The following DPP6 variants were observed in gnomAD, a reference collection of about 807,000 sequenced individuals.
DPP6 encodes dipeptidyl peptidase like 6, also known as A-type potassium channel modulatory protein DPP6.
Under a neutral mutation model 122.6 loss-of-function variants are expected in DPP6, and 69 were observed. The observed-to-expected ratio is 0.56, with a 90% CI of 0.46 to 0.69. DPP6 has a LOEUF of 0.69. Ranked by LOEUF, DPP6 falls within the 30% of genes least tolerant of loss-of-function variation. The pLI is 0.00. For missense variants in DPP6, 928 were observed against 1,116.9 expected (o/e 0.83, Z 2.41); for synonymous variants, 418 against 433.1 (o/e 0.97, Z 0.43).
intron 1 of DPP6, among the ~76,000 whole-genome samples, chr7:154,388,286 CA>C (rs1378216083): frequency 2.0e-5 from 3 of 152,008 alleles, no homozygotes; most frequent in Admixed American, 2.0e-4. Flanking sequence ...GAGACCCTGT[CA>C]AAAAATATAT....
At position 154,893,212 on chromosome 7, in the gene DPP6, A is replaced by C. The variant is rs1024927679; in HGVS notation, c.*732A>C. 4.3e-5 allele frequency: 12 copies of C among 281,848 alleles called. No individual in the cohort carries two copies. Among genetic ancestry groups the C allele is most frequent in the Admixed American group, 2.0e-4 (4 of 20,212 alleles). 17.5% of individuals were successfully genotyped at this position (281,848 alleles called of 1,614,324 possible). A position where few individuals can be genotyped will look rare whatever the true frequency, so the allele number is the denominator to read the frequency against. ...TAGACTTTGCGCTTGATGAAGAAGC[A>C]GATCGGAAGTAACTGCTCCCTCCTC... On this transcript the variant is annotated 3_prime_UTR_variant, in exon 26 of 26. Coordinates refer to ENST00000377770, the MANE Select transcript of DPP6 (RefSeq NM_130797.4).
intron 4 of DPP6, among the ~76,000 whole-genome samples, chr7:154,546,607 A>G (rs1370171813): frequency 6.6e-6 from 1 of 152,126 alleles, no homozygotes; most frequent in African/African-American, 2.4e-5. Flanking sequence ...CTAAATTAAC[A>G]TCTAAATGAA....
At chr7:153,766,756 A>C in the DPP6 span, among the ~76,000 whole-genome samples, 1 of 152,230 alleles carries the variant, frequency 6.6e-6, no homozygotes, top group Admixed American at 6.5e-5. Context: ...AAATAGTAAC[A>C]GTAAAAAAGA....
chr7:153,891,114 CG>C (rs1275361791), intron 1 of DPP6, among the ~76,000 whole-genome samples: 25 of 147,806 alleles, frequency 1.7e-4, no homozygotes, highest in Admixed American at 2.7e-4. Flanking sequence ...CTCCGCCTCC[CG>C]GGTTCATGCC....
At chr7:153,874,478 C>T in the DPP6 span, among the ~76,000 whole-genome samples, 13 of 152,212 alleles carry the variant, frequency 8.5e-5, no homozygotes, top group African/African-American at 1.7e-4. Flanking sequence ...CGGGTTCAAG[C>T]GATTCTCCTG....
At chr7:154,371,736 T>TA (rs1349461051) in intron 1 of DPP6, among the ~76,000 whole-genome samples, 1 of 152,072 alleles carries the variant, frequency 6.6e-6, no homozygotes, top group Admixed American at 6.5e-5. Context: ...TGGCCAGGTG[T>TA]ACACCCGGGC....
chr7:154,768,043 C>T (rs552929049), intron 8 of DPP6, among the ~76,000 whole-genome samples: 25 of 152,354 alleles, frequency 1.6e-4, no homozygotes, highest in Non-Finnish European at 3.1e-4. Context: ...CACATCACAC[C>T]CTCAGCCCCA....
the DPP6 span, among the ~76,000 whole-genome samples, chr7:153,879,917 C>T: frequency 1.3e-5 from 2 of 152,076 alleles, no homozygotes; most frequent in South Asian, 2.1e-4. Context: ...GCCCAAAAGT[C>T]CCCGCTATGT....
chr7:154,402,654 C>T (rs1276801667), intron 1 of DPP6, among the ~76,000 whole-genome samples: 12 of 147,584 alleles, frequency 8.1e-5, no homozygotes, highest in African/African-American at 2.0e-4. Flanking sequence ...TGCTAGATGA[C>T]GAGTTAGTGG....
intron 9 of DPP6, among the ~76,000 whole-genome samples, chr7:154,770,358 G>A (rs1357930159): frequency 1.3e-5 from 2 of 152,146 alleles, no homozygotes; most frequent in Non-Finnish European, 2.9e-5. Context: ...CAGGAGAACA[G>A]CATGGGAAAG....
chr7:153,773,317 T>C, the DPP6 span, among the ~76,000 whole-genome samples: 3 of 36,382 alleles, frequency 8.2e-5, no homozygotes, highest in Non-Finnish European at 2.8e-4. Context: ...GTATTTTATA[T>C]ATATATATAT....
chr7:154,257,250 G>A (rs1037740233), intron 1 of DPP6, among the ~76,000 whole-genome samples: 25 of 151,850 alleles, frequency 1.6e-4, no homozygotes, highest in African/African-American at 6.0e-4. Flanking sequence ...GGGTTCTTTA[G>A]CAGAATTCCA....
chr7:154,493,400 G>T (rs1824458229), intron 3 of DPP6, among the ~76,000 whole-genome samples: 1 of 152,190 alleles, frequency 6.6e-6, no homozygotes, highest in African/African-American at 2.4e-5. Flanking sequence ...GAGACCCTGG[G>T]TAGGTGCACT....
chr7:154,122,896 C>T (rs1291911009), intron 1 of DPP6, among the ~76,000 whole-genome samples: 4 of 152,276 alleles, frequency 2.6e-5, no homozygotes, highest in Non-Finnish European at 4.4e-5. Context: ...GACTCTCCTC[C>T]CTCTGCCCAT....
chr7:154,090,903 A>G (rs552477170), intron 1 of DPP6, among the ~76,000 whole-genome samples: 3,405 of 149,002 alleles, frequency 0.023, 44 homozygotes, highest in Non-Finnish European at 0.032. Flanking sequence ...GGCGGATCAC[A>G]AAGTCAGGAG....
In DPP6 at chr7:154,879,391, T is replaced by C. The variant is rs1805159062; in HGVS notation, c.2079-1497T>C. Among the ~76,000 whole-genome samples the C allele has an allele frequency of 7.9e-5, 10 of 126,016 alleles. 1 individual carries two copies. Among genetic ancestry groups the C allele is most frequent in the Middle Eastern group, 4.2e-3 (1 of 236 alleles). 82.7% of individuals were successfully genotyped at this position (126,016 alleles called of 152,430 possible). ...GTCAGGAGATCGAGACCATCCTGGC[T>C]AACACGGTGAAACCCCGTCTCTACT... is the stretch of plus-strand genomic sequence containing the variant. On this transcript the variant is annotated intron_variant, in intron 20 of 25. Coordinates refer to ENST00000377770, the MANE Select transcript of DPP6 (RefSeq NM_130797.4).
In DPP6 at chr7:154,863,943, G is replaced by A. The variant is rs531158390; in HGVS notation, c.1715-4052G>A. ...TGGCCTAGCCCTGGGGTAAGCGGAC[G>A]GCAGCTGCAAGAGCACAGGGAGGGG... On this transcript the variant is annotated intron_variant, in intron 17 of 25. Coordinates refer to ENST00000377770, the MANE Select transcript of DPP6 (RefSeq NM_130797.4). The surrounding 1 kb of genome is among the most constrained non-coding windows in gnomAD (Gnocchi z 4.1). Among the ~76,000 whole-genome samples, 2 of 152,222 alleles carry A rather than the reference G, an allele frequency of 1.3e-5. No individual in the cohort carries two copies. The highest frequency in any genetic ancestry group is 2.9e-5 in the Non-Finnish European group (2 of 68,020).
At chr7:153,771,540 A>G in the DPP6 span, among the ~76,000 whole-genome samples, 1 of 152,080 alleles carries the variant, frequency 6.6e-6, no homozygotes, top group African/African-American at 2.4e-5. Context: ...AGGTTTCACC[A>G]TGTTGGCCAG....
In DPP6 at chr7:154,264,961, CCTG is replaced by C. The variant is rs145244282; in HGVS notation, c.244-181252_244-181250del. Among the ~76,000 whole-genome samples, 5 of 7,252 alleles carry C rather than the reference CCTG, an allele frequency of 6.9e-4. 1 individual carries two copies. The highest frequency in any genetic ancestry group is 2.8e-3 in the African/African-American group (4 of 1,446). The allele number at this position is 7,252 out of a possible 152,430, so 4.8% of individuals were successfully genotyped here. A position where few individuals can be genotyped will look rare whatever the true frequency, so the allele number is the denominator to read the frequency against. ...TGATGATAGTGATAATGATGGTGAT[CCTG>C]ATGATGGTGTTGATGATGATGGTGA... On this transcript the variant is annotated intron_variant, in intron 1 of 25. Transcript: ENST00000377770.
Sources: gnomAD v4.1 joint callset for allele counts (sites outside exome capture counted in the v4.1 genomes callset) on GRCh38, gnomAD v4.1.1 for gene constraint, Gnocchi (gnomAD v3.1) non-coding constraint, MANE v1.5 for transcripts, NCBI Gene and HGNC (gene_info 2026-07-23, HGNC 2026-07-21) for gene names.